GIT2: variants seen among roughly 807,000 people sequenced by gnomAD.
GIT2 encodes ARF GTPase-activating protein GIT2.
GIT2 carries 32 observed loss-of-function variants against 100.3 expected under a neutral mutation model. The ratio of observed to expected loss-of-function variants is 0.32; its 90% CI spans 0.24 to 0.43. The LOEUF (loss-of-function observed/expected upper bound fraction) is 0.43. Among genes scored for constraint, GIT2 ranks in the 20% least tolerant of loss-of-function variants. The probability of loss-of-function intolerance (pLI) is 1.00; values close to 1 mark genes in which losing one functional copy is unlikely to be tolerated. For missense variants in GIT2, 737 were observed against 975.1 expected (o/e 0.76, Z 3.25); for synonymous variants, 353 against 364.1 (o/e 0.97, Z 0.35).
chr12:109,952,919 C>T (rs1209724596), intron 13 of GIT2, 173 bp downstream of exon 13: 4 of 623,344 alleles, frequency 6.4e-6, no homozygotes, highest in Non-Finnish European at 1.1e-5. Flanking sequence ...GTCTCAACTG[C>T]AGCAGGGCTG....
At position 109,937,260 on chromosome 12, in the gene GIT2, A is replaced by C. The variant is rs532211154; in HGVS notation, c.2003+1120T>G. Among the ~76,000 whole-genome samples, 40 of 152,310 alleles carry C rather than the reference A, an allele frequency of 2.6e-4. 1 individual carries two copies. Among genetic ancestry groups the C allele is most frequent in the Middle Eastern group, 3.4e-3 (1 of 294 alleles). On this transcript the variant is annotated intron_variant, in intron 18 of 19. Transcript: ENST00000355312. ...TACAGAAAAGGGAGGTTGGCCCAGT[A>C]GTGCCAGGACTACAAAAGGGAATAC...
chr12:109,962,549 C>A lies in GIT2; in HGVS notation c.817-864G>T, dbSNP rs557824682. On this transcript the variant is annotated intron_variant, in intron 9 of 19. Transcript: ENST00000355312. This position sits in a 1 kb window ranked among gnomAD's most constrained non-coding sequence, Gnocchi z 4.3. The stretch of plus-strand genomic sequence containing the variant: ...TCAGCACACAACAACCACCTCACAG[C>A]CTGCAGTGCCTCCCTGGGCACATGG... Among the ~76,000 whole-genome samples, 2 of 152,148 alleles carry A rather than the reference C, an allele frequency of 1.3e-5. No individual in the cohort carries two copies. Among genetic ancestry groups the A allele is most frequent in the Non-Finnish European group, 2.9e-5 (2 of 68,028 alleles).
intron 18 of GIT2, among the ~76,000 whole-genome samples, chr12:109,937,387 G>GGATTATTCCC (rs1873350838): frequency 6.6e-6 from 1 of 152,188 alleles, no homozygotes. Flanking sequence ...CGTGAAGAAA[G>GGATTATTCCC]TTCTTCACTG....
In GIT2 at chr12:109,933,023, A is replaced by G; in HGVS notation, c.2235T>C (p.Ala745=). 1 of 1,613,710 alleles carries G rather than the reference A, an allele frequency of 6.2e-7. No homozygotes were observed. The highest frequency in any genetic ancestry group is 8.5e-7 in the Non-Finnish European group (1 of 1,179,670). Residue 745 remains alanine (A), a synonymous_variant, in exon 20 of 20, where the codon GCT becomes GCC. Transcript: ENST00000355312. The surrounding 1 kb of genome is among the most constrained non-coding windows in gnomAD (Gnocchi z 4.5). ...TGGTGATGGTAACCAGCTGCTTGGC[A>G]GCCTTGGCGATGTCGTACGCACACT... The part of the protein sequence containing the change: ...VIQCAYDIAK[A]AKQLVTITTK...
In GIT2 at chr12:109,948,801, C is replaced by T. The variant is rs1200001965; in HGVS notation, c.1393-1297G>A. ...AAGCACCAATCTGTGAAAAATACAC[C>T]AATAGTAGTTGCTCCTCTTCATTAA... is the stretch of plus-strand genomic sequence containing the variant. On this transcript the variant is annotated intron_variant, in intron 14 of 19. Coordinates refer to ENST00000355312, the MANE Select transcript of GIT2 (RefSeq NM_057169.5). The surrounding 1 kb of genome is among the most constrained non-coding windows in gnomAD (Gnocchi z 4.3). The T allele has an allele frequency of 6.2e-7, 1 of 1,602,800 alleles. No individual in the cohort carries two copies. The highest frequency in any genetic ancestry group is 1.3e-5 in the African/African-American group (1 of 74,460).
chr12:109,975,261 T>G (rs761736252), intron 7 of GIT2, among the ~76,000 whole-genome samples: 3 of 152,112 alleles, frequency 2.0e-5, no homozygotes, highest in Non-Finnish European at 4.4e-5. Flanking sequence ...TGGAGAGCAG[T>G]GGCATGATCA....
intron 13 of GIT2, chr12:109,952,711 C>T (rs1878244401): frequency 2.0e-6 from 1 of 491,954 alleles, no homozygotes; most frequent in Non-Finnish European, 4.0e-6. Flanking sequence ...TCTCTCTGCT[C>T]ACTCCCTCAG....
chr12:109,961,325 C>T lies in GIT2; in HGVS notation c.940G>A (p.Val314Ile), dbSNP rs1391717144. 16 of 1,613,464 alleles carry T rather than the reference C, an allele frequency of 9.9e-6. No individual in the cohort carries two copies. Among genetic ancestry groups the T allele is most frequent in the Non-Finnish European group, 1.2e-5 (14 of 1,179,390 alleles). Residue 314 changes from valine to isoleucine, a missense_variant, in exon 11 of 20, where the codon GTC becomes ATC. Around this residue, in one of 3 missense-constraint regions of GIT2, gnomAD observed 20 missense variants for 55.2 expected, o/e 0.36. Transcript: ENST00000355312. ...TCAGGATTGACCGGAAGAAAGGGGA[C>T]GACCGTTGTCTCGGTTACCAGGGCG... ...HSALVTETTV[V>I]PFLPVNPEYS... is the part of the protein sequence containing the mutation.
chr12:109,985,949 T>C (rs951331788), intron 4 of GIT2, among the ~76,000 whole-genome samples: 1 of 151,306 alleles, frequency 6.6e-6, no homozygotes. Context: ...GGAGAATCAT[T>C]TGAGACTAGG....
chr12:109,966,752 T>C (rs948052873), intron 8 of GIT2, among the ~76,000 whole-genome samples: 7 of 152,170 alleles, frequency 4.6e-5, no homozygotes, highest in African/African-American at 1.4e-4. Context: ...TCATAAACTC[T>C]TGACAGTTTC....
At chr12:109,957,536 T>A (rs1419212375) in intron 12 of GIT2, among the ~76,000 whole-genome samples, 1 of 151,674 alleles carries the variant, frequency 6.6e-6, no homozygotes, top group Non-Finnish European at 1.5e-5. Context: ...AGACGGAGTC[T>A]TGCTCTGTCG....
At chr12:109,992,716 G>C (rs762305543) in intron 1 of GIT2, among the ~76,000 whole-genome samples, 4 of 152,090 alleles carry the variant, frequency 2.6e-5, no homozygotes, top group Non-Finnish European at 5.9e-5. Flanking sequence ...CTGTCCCCTA[G>C]GATGGAGTGC....
chr12:109,939,263 G>C lies in GIT2; in HGVS notation c.1732-16C>G, dbSNP rs1414991254. 1.4e-6 allele frequency: 2 copies of C among 1,477,852 alleles called. No individual in the cohort carries two copies. Among genetic ancestry groups the C allele is most frequent in the Admixed American group, 1.7e-5 (1 of 59,806 alleles). The allele number at this position is 1,477,852 out of a possible 1,614,324, so 91.5% of individuals were successfully genotyped here. A position where few individuals can be genotyped will look rare whatever the true frequency, so the allele number is the denominator to read the frequency against. On this transcript the variant is annotated splice_polypyrimidine_tract_variant and intron_variant, in intron 16 of 19. Coordinates refer to ENST00000355312, the MANE Select transcript of GIT2 (RefSeq NM_057169.5). ...GCCTGGATGCCTACAAGAAAGAAGA[G>C]GGACCCTCATGAGTTTGTAACATGA...
At position 109,962,448 on chromosome 12, in the gene GIT2, T is replaced by C. The variant is rs1221708283; in HGVS notation, c.817-763A>G. On this transcript the variant is annotated intron_variant, in intron 9 of 19. Transcript: ENST00000355312. This position sits in a 1 kb window ranked among gnomAD's most constrained non-coding sequence, Gnocchi z 4.3. ...GACTCAGACCTCAGCTGAGTTTCTT[T>C]GCTCTCTTTCTCAGTAGCAGTCCTA... 6.6e-6 allele frequency among the ~76,000 whole-genome samples: 1 copy of C among 152,242 alleles called. No individual in the cohort carries two copies. Among genetic ancestry groups the C allele is most frequent in the Non-Finnish European group, 1.5e-5 (1 of 68,032 alleles).
intron 1 of GIT2, among the ~76,000 whole-genome samples, chr12:109,993,974 T>C (rs1458550430): frequency 4.0e-5 from 6 of 150,818 alleles, no homozygotes; most frequent in Non-Finnish European, 8.8e-5. Context: ...GCTATTACTG[T>C]ATCATCCTAA....
At chr12:109,971,162 A>G (rs995522320) in intron 7 of GIT2, among the ~76,000 whole-genome samples, 1 of 152,320 alleles carries the variant, frequency 6.6e-6, no homozygotes, top group Middle Eastern at 3.4e-3. Context: ...ACATTTATTA[A>G]CTTGTGGAGA....
intron 7 of GIT2, among the ~76,000 whole-genome samples, chr12:109,975,194 A>T (rs1364570759): frequency 6.6e-6 from 1 of 152,106 alleles, no homozygotes; most frequent in Non-Finnish European, 1.5e-5. Flanking sequence ...AGTATATATT[A>T]GGCCTTATGG....
rs1019637162 is a variant in GIT2 at position 109,932,817 on chromosome 12, T to C, written c.*161A>G. On this transcript the variant is annotated 3_prime_UTR_variant, in exon 20 of 20. Coordinates refer to ENST00000355312, the MANE Select transcript of GIT2 (RefSeq NM_057169.5). ...GGCAAGTGGGTTAAATAGTTGAAAA[T>C]TGGTTAGAAAACATGCAAAAATAAT... is the stretch of plus-strand genomic sequence containing the variant. The C allele has an allele frequency of 8.5e-6, 5 of 590,454 alleles. No individual in the cohort carries two copies. Among genetic ancestry groups the C allele is most frequent in the African/African-American group, 3.7e-5 (2 of 53,704 alleles). The allele number at this position is 590,454 out of a possible 1,614,324, so 36.6% of individuals were successfully genotyped here.
rs761974031 is a variant in GIT2 at position 109,934,466 on chromosome 12, G to A, written c.2004-381C>T. Among the ~76,000 whole-genome samples the A allele has an allele frequency of 6.6e-6, 1 of 152,184 alleles. No individual in the cohort carries two copies. Among genetic ancestry groups the A allele is most frequent in the Non-Finnish European group, 1.5e-5 (1 of 68,034 alleles). On this transcript the variant is annotated intron_variant, in intron 18 of 19. Transcript: ENST00000355312. The surrounding 1 kb of genome is among the most constrained non-coding windows in gnomAD (Gnocchi z 4.5). The stretch of plus-strand genomic sequence containing the variant: ...AAAGGCCACAGAAGTGAAAAATAAA[G>A]GACTGAAAAAATTCCTTAAAATTAG...
Sources: allele counts gnomAD v4.1 joint callset (sites outside exome capture counted in the v4.1 genomes callset), GRCh38; gene constraint gnomAD v4.1.1; regional missense constraint gnomAD v4.1.1; non-coding constraint Gnocchi (gnomAD v3.1); transcripts MANE v1.5; gene names NCBI Gene and HGNC (gene_info 2026-07-23, HGNC 2026-07-21).